ANO10: variants seen among roughly 807,000 people sequenced by gnomAD.
ANO10 encodes anoctamin 10, also known as anoctamin-10.
A neutral mutation model predicts 74.7 loss-of-function variants in ANO10; 77 were observed. The observed-to-expected ratio is 1.03, with a 90% confidence interval of 0.86 to 1.25. The LOEUF (loss-of-function observed/expected upper bound fraction) is 1.25, where lower values mean the gene tolerates loss of function less well. Ranked by LOEUF, ANO10 falls within the 50% of genes most tolerant of loss-of-function variation. The pLI is 0.00. For missense variants in ANO10, 721 were observed against 778.1 expected (o/e 0.93, Z 0.87); for synonymous variants, 279 against 284.9 (o/e 0.98, Z 0.21).
At chr3:43,427,870 T>C (rs2092921078) in intron 12 of ANO10, among the ~76,000 whole-genome samples, 2 of 152,218 alleles carry the variant, frequency 1.3e-5, no homozygotes, top group South Asian at 4.1e-4. Flanking sequence ...TTGTACCTTA[T>C]AGGACCTCCT....
rs116166352 is a variant in ANO10 at position 43,510,025 on chromosome 3, G to C, written c.1797+39695C>G. Reference sequence around the variant, plus strand: ...TTGGAGACAGAGAACAGATTTTGGTGATCATCAGGGGTAAGGAATTGGGGT... The same window carrying C: ...TTGGAGACAGAGAACAGATTTTGGTCATCATCAGGGGTAAGGAATTGGGGT... On this transcript the variant is annotated intron_variant, in intron 11 of 12. Coordinates refer to ENST00000292246, the MANE Select transcript of ANO10 (RefSeq NM_018075.5). 8.8e-3 allele frequency among the ~76,000 whole-genome samples: 1,335 copies of C among 152,248 alleles called. 15 individuals are homozygous for C. The highest frequency in any genetic ancestry group is 0.028 in the African/African-American group (1,163 of 41,544).
At chr3:43,639,075 A>G (rs1357657229) in intron 1 of ANO10, 2 of 152,284 alleles carry the variant, frequency 1.3e-5, no homozygotes, top group African/African-American at 4.8e-5. Flanking sequence ...AGGACATGGC[A>G]TGGGCTTCCT....
At chr3:43,463,959 AT>A (rs1393834848) in intron 11 of ANO10, among the ~76,000 whole-genome samples, 1 of 152,146 alleles carries the variant, frequency 6.6e-6, no homozygotes, top group Non-Finnish European at 1.5e-5. Context: ...TGTTCTCGTG[AT>A]AGTGAGTAAG....
chr3:43,580,012 G>A (rs952939064), intron 5 of ANO10, among the ~76,000 whole-genome samples: 11 of 151,452 alleles, frequency 7.3e-5, no homozygotes, highest in African/African-American at 2.4e-4. Flanking sequence ...GGGGATGGTG[G>A]TGCACGCCTG....
chr3:43,526,905 A>G (rs1420397969), intron 11 of ANO10, among the ~76,000 whole-genome samples: 1 of 152,130 alleles, frequency 6.6e-6, no homozygotes, highest in Non-Finnish European at 1.5e-5. Context: ...GGTTGACCTC[A>G]ACAATAATGA....
chr3:43,384,185 A>G (rs1282840824), intron 12 of ANO10, among the ~76,000 whole-genome samples: 3 of 152,188 alleles, frequency 2.0e-5, no homozygotes, highest in Non-Finnish European at 4.4e-5. Flanking sequence ...TCAAAAAAAA[A>G]AAGAAAAGTA....
intron 1 of ANO10, chr3:43,691,110 A>C: frequency 7.0e-7 from 1 of 1,425,254 alleles, no homozygotes. Flanking sequence ...GTTAGGGCCC[A>C]GCGGGCAGCA....
intron 12 of ANO10, among the ~76,000 whole-genome samples, chr3:43,375,099 T>C (rs923501315): frequency 1.3e-5 from 2 of 150,968 alleles, no homozygotes; most frequent in African/African-American, 4.9e-5. Flanking sequence ...CCAGCCTGGG[T>C]GACAGAGTGA....
intron 12 of ANO10, among the ~76,000 whole-genome samples, chr3:43,401,265 TTC>T (rs2092476496): frequency 6.6e-6 from 1 of 152,172 alleles, no homozygotes; most frequent in African/African-American, 2.4e-5. Context: ...AACCCACACT[TTC>T]TGTCATGTGA....
chr3:43,523,752 T>C (rs1319419243), intron 11 of ANO10, among the ~76,000 whole-genome samples: 4 of 152,254 alleles, frequency 2.6e-5, no homozygotes, highest in Admixed American at 6.5e-5. Context: ...ACATACACAA[T>C]ACACATGTAG....
At chr3:43,465,499 C>CA (rs1388074385) in intron 11 of ANO10, among the ~76,000 whole-genome samples, 1 of 151,942 alleles carries the variant, frequency 6.6e-6, no homozygotes, top group Non-Finnish European at 1.5e-5. Flanking sequence ...ACTAAAAATA[C>CA]AAAAATTAGC....
In ANO10 at chr3:43,444,709, C is replaced by A. The variant is rs570077350; in HGVS notation, c.1798-11982G>T. 3.2e-4 allele frequency among the ~76,000 whole-genome samples: 48 copies of A among 152,290 alleles called. No individual in the cohort carries two copies. In the South Asian group the frequency reaches 9.1e-3, roughly 29 times the overall value. ...TCTACAACAGTGCAAGGAGAACACACAATCGACCTCCTGTGGTCACCTGAC... is the reference window on the plus strand; with the variant it reads ...TCTACAACAGTGCAAGGAGAACACAAAATCGACCTCCTGTGGTCACCTGAC... On this transcript the variant is annotated intron_variant, in intron 11 of 12. Coordinates refer to ENST00000292246, the MANE Select transcript of ANO10 (RefSeq NM_018075.5).
At chr3:43,449,780 C>T (rs2074773912) in intron 11 of ANO10, among the ~76,000 whole-genome samples, 2 of 152,096 alleles carry the variant, frequency 1.3e-5, no homozygotes, top group Admixed American at 1.3e-4. Flanking sequence ...TCTTTTGCCA[C>T]TCCACATAAA....
chr3:43,527,176 G>A (rs2078243737), intron 11 of ANO10, among the ~76,000 whole-genome samples: 2 of 151,838 alleles, frequency 1.3e-5, no homozygotes, highest in South Asian at 4.2e-4. Context: ...TGTGTCCAAT[G>A]GCTGTTTGTA....
chr3:43,501,933 G>A (rs1242058626), intron 11 of ANO10, among the ~76,000 whole-genome samples: 2 of 152,170 alleles, frequency 1.3e-5, no homozygotes, highest in Admixed American at 6.5e-5. Flanking sequence ...GATGGTCTCC[G>A]TTTGGTGATT....
intron 1 of ANO10, chr3:43,691,065 G>C (rs774197449): frequency 6.5e-6 from 10 of 1,530,340 alleles, no homozygotes; most frequent in South Asian, 1.2e-5. Flanking sequence ...AGGGGGCTTC[G>C]TGTGTCTCCG....
At position 43,366,868 on chromosome 3, in the gene ANO10, A is replaced by C. The variant is rs766059921; in HGVS notation, c.*38T>G. ...ACCGTGGCAGGTGTGGCACAGACAC[A>C]GGCCTCTGCCAACAGGGCAGCTGGG... On this transcript the variant is annotated 3_prime_UTR_variant, in exon 13 of 13. Transcript: ENST00000292246. 3 of 1,548,638 alleles carry C rather than the reference A, an allele frequency of 1.9e-6. No individual in the cohort carries two copies. Among genetic ancestry groups the C allele is most frequent in the East Asian group, 2.4e-5 (1 of 42,256 alleles).
At chr3:43,617,890 T>C (rs531255950) in intron 1 of ANO10, 44 of 152,136 alleles carry the variant, frequency 2.9e-4, no homozygotes, top group African/African-American at 1.1e-3. Flanking sequence ...AAGAGAAAAA[T>C]GAAGGACCGC....
chr3:43,587,408 G>A (rs2081528449), intron 4 of ANO10, among the ~76,000 whole-genome samples: 1 of 152,166 alleles, frequency 6.6e-6, no homozygotes, highest in Non-Finnish European at 1.5e-5. Context: ...GGCCAGGGGA[G>A]TCCATATGGT....
Sources: gnomAD v4.1 joint callset for allele counts (sites outside exome capture counted in the v4.1 genomes callset) on GRCh38, gnomAD v4.1.1 for gene constraint, MANE v1.5 for transcripts, NCBI Gene and HGNC (gene_info 2026-07-23, HGNC 2026-07-21) for gene names.